The following OLA1 variants were observed in gnomAD, a reference collection of about 807,000 sequenced individuals.
OLA1 encodes obg-like ATPase 1.
Under a neutral mutation model 48.4 loss-of-function variants are expected in OLA1, and 14 were observed. The ratio of observed to expected loss-of-function variants is 0.29; its 90% CI spans 0.19 to 0.45. The LOEUF (loss-of-function observed/expected upper bound fraction) is 0.45. OLA1 is among the 20% of genes least tolerant of loss of function. The pLI is 1.00. For synonymous variants in OLA1, 127 were observed against 150.4 expected, an observed-to-expected ratio of 0.84 and a Z score of 1.14; for missense variants, 325 against 467.1, an observed-to-expected ratio of 0.70 and a Z score of 2.80.
At chr2:174,168,665 A>T (rs1687223880) in intron 4 of OLA1, among the ~76,000 whole-genome samples, 1 of 152,056 alleles carries the variant, frequency 6.6e-6, no homozygotes, top group Non-Finnish European at 1.5e-5. Context: ...GCAGAGAAAT[A>T]GAAATGGTGG....
rs181742980 is a variant in OLA1, at chr2:174,082,145, C to T, written c.729-81G>A. The T allele has an allele frequency of 3.4e-4, 496 of 1,464,664 alleles. 3 individuals carry two copies. The African/African-American group carries it at 5.9e-3, about 17-fold the overall frequency. 90.7% of individuals were successfully genotyped at this position (1,464,664 alleles called of 1,614,324 possible). ...ATTCATTATTATCAAGTAGCACATACATATTCATAAGAATTGCACGGTTTT... is the reference window on the plus strand; with the variant it reads ...ATTCATTATTATCAAGTAGCACATATATATTCATAAGAATTGCACGGTTTT... On this transcript the variant is annotated intron_variant, in intron 7 of 10. Coordinates refer to ENST00000284719, the MANE Select transcript of OLA1 (RefSeq NM_013341.5).
chr2:174,139,819 A>G (rs1425190019), intron 5 of OLA1, among the ~76,000 whole-genome samples: 1 of 147,118 alleles, frequency 6.8e-6, no homozygotes, highest in South Asian at 2.2e-4. Context: ...GAGCCGAGAT[A>G]GTGCCACTGA....
chr2:174,177,167 G>A (rs1687439481), intron 4 of OLA1, among the ~76,000 whole-genome samples: 1 of 152,084 alleles, frequency 6.6e-6, no homozygotes, highest in South Asian at 2.1e-4. Context: ...CCCTTTGAGG[G>A]TTTTAGAATC....
chr2:174,151,677 A>G (rs1686749449), intron 4 of OLA1, among the ~76,000 whole-genome samples: 1 of 152,226 alleles, frequency 6.6e-6, no homozygotes, highest in Non-Finnish European at 1.5e-5. Context: ...TCTGGTTCCC[A>G]ACTCCCTTAT....
At chr2:174,194,887 C>G (rs1455111348) in intron 4 of OLA1, among the ~76,000 whole-genome samples, 1 of 152,122 alleles carries the variant, frequency 6.6e-6, no homozygotes, top group African/African-American at 2.4e-5. Context: ...CTCTGGTATT[C>G]TACAATGTGC....
chr2:174,079,071 TG>T lies in OLA1; in HGVS notation c.985del (p.Gln329ArgfsTer19). 6.2e-7 allele frequency: 1 copy of T among 1,602,580 alleles called. No individual in the cohort carries two copies. Among genetic ancestry groups the T allele is most frequent in the Non-Finnish European group, 8.5e-7 (1 of 1,174,528 alleles). On this transcript the variant is annotated frameshift_variant, in exon 10 of 11. Transcript: ENST00000284719. LOFTEE classifies it high-confidence loss of function. ...ATCTGTGTGAATCTTTCCTGCAGCC[TG>T]AGGAGCCTTAGTCCCTTTCTTTGAA... ...WTIRKGTKAP[Q>X]AAGKIHTDFE...
At chr2:174,182,316 G>A (rs1326302822) in intron 4 of OLA1, among the ~76,000 whole-genome samples, 1 of 152,146 alleles carries the variant, frequency 6.6e-6, no homozygotes, top group Non-Finnish European at 1.5e-5. Context: ...CCTGAGGTCG[G>A]GAGTTCGAGA....
Position 174,075,255 on chromosome 2 carries a change from G to GAGT in OLA1, c.*170_*171insACT, listed in dbSNP as rs375221409. 47 of 377,056 alleles carry GAGT rather than the reference G, an allele frequency of 1.2e-4. No homozygotes were observed. Among genetic ancestry groups the GAGT allele is most frequent in the Non-Finnish European group, 1.7e-4 (36 of 208,146 alleles). The allele number at this position is 377,056 out of a possible 1,614,324, so 23.4% of individuals were successfully genotyped here. A position where few individuals can be genotyped will look rare whatever the true frequency, so the allele number is the denominator to read the frequency against. On this transcript the variant is annotated 3_prime_UTR_variant, in exon 11 of 11. Transcript: ENST00000284719. ...ACATTTAGTGAACCTGCATTTCATG[G>GAGT]GGGGGGGGGGGTACACAGTATTTTA...
intron 4 of OLA1, among the ~76,000 whole-genome samples, chr2:174,181,984 C>A (rs552141822): frequency 1.3e-5 from 2 of 152,222 alleles, no homozygotes; most frequent in Admixed American, 1.3e-4. Flanking sequence ...ACTATCATAT[C>A]CTTGAGTGAA....
chr2:174,180,359 C>A (rs1231417160), intron 4 of OLA1, among the ~76,000 whole-genome samples: 1 of 152,060 alleles, frequency 6.6e-6, no homozygotes, highest in African/African-American at 2.4e-5. Context: ...ATAAGTAAAA[C>A]CAGACTACTC....
chr2:174,187,084 T>G (rs1191400791), intron 4 of OLA1, among the ~76,000 whole-genome samples: 1 of 152,158 alleles, frequency 6.6e-6, no homozygotes. Context: ...CATGAAGAAC[T>G]AAAAATTAAA....
chr2:174,165,999 C>T (rs987737636), intron 4 of OLA1, among the ~76,000 whole-genome samples: 6 of 151,946 alleles, frequency 3.9e-5, no homozygotes, highest in African/African-American at 1.5e-4. Flanking sequence ...GTGGCATGTG[C>T]CTGTAGTCCC....
chr2:174,204,328 G>A (rs1383907414), intron 4 of OLA1, among the ~76,000 whole-genome samples: 2 of 152,068 alleles, frequency 1.3e-5, no homozygotes, highest in Non-Finnish European at 1.5e-5. Context: ...ATGAACCCAG[G>A]AGGCAAAGCT....
chr2:174,104,833 A>G (rs1685478992), intron 7 of OLA1, among the ~76,000 whole-genome samples: 1 of 152,108 alleles, frequency 6.6e-6, no homozygotes, highest in East Asian at 1.9e-4. Flanking sequence ...ATTTTCAACC[A>G]CTTGAAAAGC....
At chr2:174,140,431 G>T (rs1331144318) in intron 5 of OLA1, among the ~76,000 whole-genome samples, 1 of 151,276 alleles carries the variant, frequency 6.6e-6, no homozygotes, top group Middle Eastern at 3.2e-3. Flanking sequence ...GCAGTGGCAT[G>T]ATCTGGGCTC....
At chr2:174,190,178 T>C (rs1574539460) in intron 4 of OLA1, among the ~76,000 whole-genome samples, 1 of 152,170 alleles carries the variant, frequency 6.6e-6, no homozygotes, top group East Asian at 1.9e-4. Flanking sequence ...TAAAAATAAA[T>C]GCTGTGGGCG....
At chr2:174,239,824 T>G (rs1026813404) in intron 2 of OLA1, among the ~76,000 whole-genome samples, 3 of 151,500 alleles carry the variant, frequency 2.0e-5, no homozygotes, top group African/African-American at 7.3e-5. Context: ...AGCCCAGGAA[T>G]TTGAGGCTGC....
At chr2:174,231,607 T>A (rs1046343861) in intron 2 of OLA1, among the ~76,000 whole-genome samples, 2 of 152,176 alleles carry the variant, frequency 1.3e-5, no homozygotes, top group African/African-American at 4.8e-5. Context: ...TGGTAAAACA[T>A]AGCAAAAGAA....
chr2:174,174,995 G>C (rs771122065), intron 4 of OLA1, among the ~76,000 whole-genome samples: 2 of 151,870 alleles, frequency 1.3e-5, no homozygotes, highest in African/African-American at 4.8e-5. Context: ...TTTTTGACAC[G>C]GTGCCAGGTT....
Sources: gnomAD v4.1 joint callset for allele counts (sites outside exome capture counted in the v4.1 genomes callset) on GRCh38, gnomAD v4.1.1 for gene constraint, MANE v1.5 for transcripts, NCBI Gene and HGNC (gene_info 2026-07-23, HGNC 2026-07-21) for gene names.